Variants in KCTD11 observed in about 807,000 individuals in gnomAD.
The protein encoded by KCTD11 is BTB/POZ domain-containing protein KCTD11.
KCTD11 carries 8 observed loss-of-function variants against 10.7 expected under a neutral mutation model. The ratio of observed to expected loss-of-function variants is 0.74; its 90% CI spans 0.44 to 1.34. The LOEUF (loss-of-function observed/expected upper bound fraction) is 1.34, where lower values mean the gene tolerates loss of function less well. KCTD11 is among the 40% of genes most tolerant of loss of function. KCTD11 has a pLI of 0.01. For missense variants in KCTD11, 346 were observed against 356.1 expected (o/e 0.97, Z 0.23); for synonymous variants, 153 against 160.8 (o/e 0.95, Z 0.37).
At position 7,353,570 on chromosome 17, in the gene KCTD11, C is replaced by T; in HGVS notation, c.745C>T (p.Arg249Ter). 6.5e-7 allele frequency: 1 copy of T among 1,545,312 alleles called. No homozygotes were observed. The highest frequency in any genetic ancestry group is 8.7e-7 in the Non-Finnish European group (1 of 1,145,174). The change falls in exon 1 of 1, where the codon CGA becomes TGA. Residue 249 changes from arginine (R) to a stop codon, truncating the protein, a stop_gained. Transcript: ENST00000333751. LOFTEE classifies it high-confidence loss of function. This position sits in a 1 kb window ranked among gnomAD's most constrained non-coding sequence, Gnocchi z 4.9. Reference sequence around the variant, plus strand: ...GCGGGTGGCTCTCGAGCACGGCTTCCGACTAGACTCTGTCTTCCCCGACCC... The same window carrying T: ...GCGGGTGGCTCTCGAGCACGGCTTCTGACTAGACTCTGTCTTCCCCGACCC...
At position 7,352,891 on chromosome 17, in the gene KCTD11, G is replaced by C; in HGVS notation, c.66G>C (p.Gly22=). 6.8e-7 allele frequency: 1 copy of C among 1,479,304 alleles called. No homozygotes were observed. Among genetic ancestry groups the C allele is most frequent in the Non-Finnish European group, 9.1e-7 (1 of 1,097,016 alleles). The allele number at this position is 1,479,304 out of a possible 1,614,324, so 91.6% of individuals were successfully genotyped here. ...GGGGCCCCGTGACCCTGAATGTGGGGGGCACACTATATTCCACCACTTTGG... is the reference window on the plus strand; with the variant it reads ...GGGGCCCCGTGACCCTGAATGTGGGCGGCACACTATATTCCACCACTTTGG... Residue 22 remains glycine, a synonymous_variant, in exon 1 of 1, where the codon GGG becomes GGC. Transcript: ENST00000333751. This position sits in a 1 kb window ranked among gnomAD's most constrained non-coding sequence, Gnocchi z 4.5.
chr17:7,352,207 G>C lies in KCTD11; in HGVS notation c.-619G>C, dbSNP rs1030585159. 2 of 152,416 alleles carry C rather than the reference G, an allele frequency of 1.3e-5. No individual in the cohort carries two copies. Among genetic ancestry groups the C allele is most frequent in the African/African-American group, 4.8e-5 (2 of 41,464 alleles). The allele number at this position is 152,416 out of a possible 1,614,324, so 9.4% of individuals were successfully genotyped here. A position where few individuals can be genotyped will look rare whatever the true frequency, so the allele number is the denominator to read the frequency against. On this transcript the variant is annotated 5_prime_UTR_variant, in exon 1 of 1. Transcript: ENST00000333751. This position sits in a 1 kb window ranked among gnomAD's most constrained non-coding sequence, Gnocchi z 4.5. Reference sequence around the variant, plus strand: ...ACCTCAGCGGCTGCGGCGACACCCAGGGAAGGCGGCGCGGCCGGGTCCCGA... The same window carrying C: ...ACCTCAGCGGCTGCGGCGACACCCACGGAAGGCGGCGCGGCCGGGTCCCGA...
Position 7,353,556 on chromosome 17 carries a change from T to G in KCTD11, c.731T>G (p.Leu244Arg), listed in dbSNP as rs2073439528. The G allele has an allele frequency of 1.3e-6, 2 of 1,557,818 alleles. No individual in the cohort carries two copies. The highest frequency in any genetic ancestry group is 2.3e-5 in the East Asian group (1 of 44,388). Reference sequence around the variant, plus strand: ...CTGGAGGAGGTGCTGCGGGTGGCTCTCGAGCACGGCTTCCGACTAGACTCT... The same window carrying G: ...CTGGAGGAGGTGCTGCGGGTGGCTCGCGAGCACGGCTTCCGACTAGACTCT... Residue 244 changes from leucine to arginine, a missense_variant, in exon 1 of 1, where the codon CTC becomes CGC. Physicochemically the swap from Leu to Arg is moderately radical, Grantham distance 102. Coordinates refer to ENST00000333751, the MANE Select transcript of KCTD11 (RefSeq NM_001363642.1). The surrounding 1 kb of genome is among the most constrained non-coding windows in gnomAD (Gnocchi z 4.9).
At position 7,354,535 on chromosome 17, in the gene KCTD11, G is replaced by GTA. The variant is rs2073455237; in HGVS notation, c.*895_*896insAT. ...TTAGTAGTTTAATCACAGGGTGTGT[G>GTA]TGTGTGTGTGTGTGTGTGTGTTTAT... On this transcript the variant is annotated 3_prime_UTR_variant, in exon 1 of 1. Transcript: ENST00000333751. The GTA allele has an allele frequency of 6.0e-6, 1 of 166,452 alleles. No individual in the cohort carries two copies. Among genetic ancestry groups the GTA allele is most frequent in the Non-Finnish European group, 1.5e-5 (1 of 68,272 alleles). The allele number at this position is 166,452 out of a possible 1,614,324, so 10.3% of individuals were successfully genotyped here. A position where few individuals can be genotyped will look rare whatever the true frequency, so the allele number is the denominator to read the frequency against.
In KCTD11 at chr17:7,353,191, T is replaced by C; in HGVS notation, c.366T>C (p.Pro122=). ...AACTGGAGGCCTCTCAGGGGACCCC[T>C]GCACCCACAGCTGCCCTGCTCCACG... The change falls in exon 1 of 1, where the codon CCT becomes CCC. Residue 122 remains proline, a synonymous_variant. Transcript: ENST00000333751. This position sits in a 1 kb window ranked among gnomAD's most constrained non-coding sequence, Gnocchi z 4.9. 1 of 1,613,540 alleles carries C rather than the reference T, an allele frequency of 6.2e-7. No homozygotes were observed. Among genetic ancestry groups the C allele is most frequent in the Non-Finnish European group, 8.5e-7 (1 of 1,180,004 alleles).
At position 7,353,290 on chromosome 17, in the gene KCTD11, C is replaced by T. The variant is rs764254256; in HGVS notation, c.465C>T (p.Ser155=). 6.2e-7 allele frequency: 1 copy of T among 1,614,052 alleles called. No homozygotes were observed. Among genetic ancestry groups the T allele is most frequent in the Non-Finnish European group, 8.5e-7 (1 of 1,180,052 alleles). Residue 155 remains serine, a synonymous_variant, in exon 1 of 1, where the codon TCC becomes TCT. Transcript: ENST00000333751. The surrounding 1 kb of genome is among the most constrained non-coding windows in gnomAD (Gnocchi z 4.9). ...GACCCCATCACTATGAGCTGAGCTCCGTCCAGGTGGACACCTTCCGAGCCA... is the reference window on the plus strand; with the variant it reads ...GACCCCATCACTATGAGCTGAGCTCTGTCCAGGTGGACACCTTCCGAGCCA...
At position 7,353,571 on chromosome 17, in the gene KCTD11, G is replaced by A. The variant is rs1389456890; in HGVS notation, c.746G>A (p.Arg249Gln). 1.9e-6 allele frequency: 3 copies of A among 1,545,360 alleles called. No homozygotes were observed. The highest frequency in any genetic ancestry group is 4.5e-5 in the East Asian group (2 of 44,290). The stretch of plus-strand genomic sequence containing the variant: ...CGGGTGGCTCTCGAGCACGGCTTCC[G>A]ACTAGACTCTGTCTTCCCCGACCCC... Residue 249 changes from arginine to glutamine, a missense_variant, in exon 1 of 1, where the codon CGA becomes CAA. Physicochemically the swap from Arg to Gln is conservative, Grantham distance 43. Coordinates refer to ENST00000333751, the MANE Select transcript of KCTD11 (RefSeq NM_001363642.1). This position sits in a 1 kb window ranked among gnomAD's most constrained non-coding sequence, Gnocchi z 4.9.
In KCTD11 at chr17:7,353,603, C is replaced by G; in HGVS notation, c.778C>G (p.Leu260Val). 1 of 1,527,066 alleles carries G rather than the reference C, an allele frequency of 6.5e-7. No individual in the cohort carries two copies. The highest frequency in any genetic ancestry group is 8.8e-7 in the Non-Finnish European group (1 of 1,138,222). 94.6% of individuals were successfully genotyped at this position (1,527,066 alleles called of 1,614,324 possible). ...CTCTGTCTTCCCCGACCCCGAAGAC[C>G]TGCTCAACTCCAGGTCTCTGCGCTT... The change falls in exon 1 of 1, where the codon CTG (leucine) becomes GTG (valine). Residue 260 changes from leucine (L) to valine (V), a missense_variant. By Grantham distance (32) the Leu-to-Val change is conservative. Transcript: ENST00000333751. The surrounding 1 kb of genome is among the most constrained non-coding windows in gnomAD (Gnocchi z 4.9).
rs996627272 is a variant in KCTD11 at position 7,353,854 on chromosome 17, G to A, written c.*213G>A. On this transcript the variant is annotated 3_prime_UTR_variant, in exon 1 of 1. Coordinates refer to ENST00000333751, the MANE Select transcript of KCTD11 (RefSeq NM_001363642.1). The surrounding 1 kb of genome is among the most constrained non-coding windows in gnomAD (Gnocchi z 4.9). Reference sequence around the variant, plus strand: ...TCAACCTGTGCTGACCCTGGGAGGGGTAGGGAAGGTTCTCTCAGCTTGTTC... The same window carrying A: ...TCAACCTGTGCTGACCCTGGGAGGGATAGGGAAGGTTCTCTCAGCTTGTTC... The A allele has an allele frequency of 6.2e-6, 3 of 484,634 alleles. No homozygotes were observed. Among genetic ancestry groups the A allele is most frequent in the African/African-American group, 3.9e-5 (2 of 51,776 alleles). The allele number at this position is 484,634 out of a possible 1,614,324, so 30.0% of individuals were successfully genotyped here.
In KCTD11 at chr17:7,354,060, T is replaced by A. The variant is rs1448000350; in HGVS notation, c.*419T>A. ...CAATGCGGTCTCTTGGACCATGGCTTCTACTCCTGAAGCTGGGTGGCCTGG... is the reference window on the plus strand; with the variant it reads ...CAATGCGGTCTCTTGGACCATGGCTACTACTCCTGAAGCTGGGTGGCCTGG... On this transcript the variant is annotated 3_prime_UTR_variant, in exon 1 of 1. Transcript: ENST00000333751. 5.6e-6 allele frequency: 1 copy of A among 177,640 alleles called. No homozygotes were observed. The highest frequency in any genetic ancestry group is 1.3e-5 in the Non-Finnish European group (1 of 75,182). 11.0% of individuals were successfully genotyped at this position (177,640 alleles called of 1,614,324 possible). A position where few individuals can be genotyped will look rare whatever the true frequency, so the allele number is the denominator to read the frequency against.
Position 7,352,769 on chromosome 17 carries a change from A to G in KCTD11, c.-57A>G, listed in dbSNP as rs2073425166. On this transcript the variant is annotated 5_prime_UTR_variant, in exon 1 of 1. Coordinates refer to ENST00000333751, the MANE Select transcript of KCTD11 (RefSeq NM_001363642.1). The surrounding 1 kb of genome is among the most constrained non-coding windows in gnomAD (Gnocchi z 4.5). ...TCTGACAGCTTCGACCCAATTCTGC[A>G]CACACCCAGGAAGTTCTGCCTTTTC... 6 of 592,030 alleles carry G rather than the reference A, an allele frequency of 1.0e-5. No homozygotes were observed. In the South Asian group the frequency reaches 1.3e-4, roughly 13 times the overall value. 36.7% of individuals were successfully genotyped at this position (592,030 alleles called of 1,614,324 possible).
At position 7,353,537 on chromosome 17, in the gene KCTD11, G is replaced by C; in HGVS notation, c.712G>C (p.Glu238Gln). 6.4e-7 allele frequency: 1 copy of C among 1,572,950 alleles called. No homozygotes were observed. Among genetic ancestry groups the C allele is most frequent in the Non-Finnish European group, 8.6e-7 (1 of 1,157,676 alleles). ...GGTGGGCACCCCAAGCTTCCTGGAG[G>C]AGGTGCTGCGGGTGGCTCTCGAGCA... The change falls in exon 1 of 1, where the codon GAG becomes CAG. Residue 238 changes from glutamate (E) to glutamine (Q), a missense_variant. Coordinates refer to ENST00000333751, the MANE Select transcript of KCTD11 (RefSeq NM_001363642.1). This position sits in a 1 kb window ranked among gnomAD's most constrained non-coding sequence, Gnocchi z 4.9.
At position 7,354,018 on chromosome 17, in the gene KCTD11, A is replaced by G. The variant is rs1204990441; in HGVS notation, c.*377A>G. 4.9e-6 allele frequency: 1 copy of G among 204,312 alleles called. No individual in the cohort carries two copies. The highest frequency in any genetic ancestry group is 1.1e-5 in the Non-Finnish European group (1 of 92,504). 12.7% of individuals were successfully genotyped at this position (204,312 alleles called of 1,614,324 possible). ...GGATATTGAGGTCTGGGGAAAAGGG[A>G]GGACTTTGCATTTTCCCAATGCGGT... On this transcript the variant is annotated 3_prime_UTR_variant, in exon 1 of 1. Coordinates refer to ENST00000333751, the MANE Select transcript of KCTD11 (RefSeq NM_001363642.1).
At position 7,354,050 on chromosome 17, in the gene KCTD11, G is replaced by A. The variant is rs1298040691; in HGVS notation, c.*409G>A. ...TGCATTTTCCCAATGCGGTCTCTTG[G>A]ACCATGGCTTCTACTCCTGAAGCTG... On this transcript the variant is annotated 3_prime_UTR_variant, in exon 1 of 1. Transcript: ENST00000333751. 1.1e-5 allele frequency: 2 copies of A among 181,240 alleles called. No individual in the cohort carries two copies. The highest frequency in any genetic ancestry group is 4.8e-5 in the African/African-American group (2 of 41,886). 11.2% of individuals were successfully genotyped at this position (181,240 alleles called of 1,614,324 possible).
At position 7,353,082 on chromosome 17, in the gene KCTD11, TG is replaced by T. The variant is rs2073429468; in HGVS notation, c.258del (p.Arg88ValfsTer46). The T allele has an allele frequency of 6.2e-7, 1 of 1,613,442 alleles. No individual in the cohort carries two copies. The highest frequency in any genetic ancestry group is 1.7e-5 in the Admixed American group (1 of 59,994). On this transcript the variant is annotated frameshift_variant, in exon 1 of 1. Coordinates refer to ENST00000333751, the MANE Select transcript of KCTD11 (RefSeq NM_001363642.1). LOFTEE classifies it high-confidence loss of function. This position sits in a 1 kb window ranked among gnomAD's most constrained non-coding sequence, Gnocchi z 4.9. ...TTCCTGAGGCTGGGCCGCCTGGACC[TG>T]CCCCGTGGGTACGGAGAGACAGCGC...
chr17:7,353,602 C>T lies in KCTD11; in HGVS notation c.777C>T (p.Asp259=), dbSNP rs1242907971. Residue 259 remains aspartate, a synonymous_variant, in exon 1 of 1, where the codon GAC becomes GAT. Transcript: ENST00000333751. The surrounding 1 kb of genome is among the most constrained non-coding windows in gnomAD (Gnocchi z 4.9). ...ACTCTGTCTTCCCCGACCCCGAAGACCTGCTCAACTCCAGGTCTCTGCGCT... is the reference window on the plus strand; with the variant it reads ...ACTCTGTCTTCCCCGACCCCGAAGATCTGCTCAACTCCAGGTCTCTGCGCT... 1 of 1,528,034 alleles carries T rather than the reference C, an allele frequency of 6.5e-7. No individual in the cohort carries two copies. The highest frequency in any genetic ancestry group is 2.1e-5 in the Admixed American group (1 of 47,096). The allele number at this position is 1,528,034 out of a possible 1,614,324, so 94.7% of individuals were successfully genotyped here.
chr17:7,353,615 A>G lies in KCTD11; in HGVS notation c.790A>G (p.Arg264Gly). 6.6e-7 allele frequency: 1 copy of G among 1,522,292 alleles called. No individual in the cohort carries two copies. Among genetic ancestry groups the G allele is most frequent in the East Asian group, 2.3e-5 (1 of 44,094 alleles). 94.3% of individuals were successfully genotyped at this position (1,522,292 alleles called of 1,614,324 possible). ...CGACCCCGAAGACCTGCTCAACTCC[A>G]GGTCTCTGCGCTTTGTCCGGCACTG... Residue 264 changes from arginine (R) to glycine (G), a missense_variant, in exon 1 of 1, where the codon AGG becomes GGG. Arg to Gly is a moderately radical substitution (Grantham distance 125). Coordinates refer to ENST00000333751, the MANE Select transcript of KCTD11 (RefSeq NM_001363642.1). The surrounding 1 kb of genome is among the most constrained non-coding windows in gnomAD (Gnocchi z 4.9).
At position 7,354,591 on chromosome 17, in the gene KCTD11, C is replaced by A. The variant is rs2073456547; in HGVS notation, c.*950C>A. 1 of 167,278 alleles carries A rather than the reference C, an allele frequency of 6.0e-6. No individual in the cohort carries two copies. The highest frequency in any genetic ancestry group is 1.5e-5 in the Non-Finnish European group (1 of 68,630). The allele number at this position is 167,278 out of a possible 1,614,324, so 10.4% of individuals were successfully genotyped here. ...CGCATGTATATGCATCACCACGTAG[C>A]CAGGAGGGGCCTGTTGGGGTTTGAG... is the stretch of plus-strand genomic sequence containing the variant. On this transcript the variant is annotated 3_prime_UTR_variant, in exon 1 of 1. Transcript: ENST00000333751.
chr17:7,353,786 C>A lies in KCTD11; in HGVS notation c.*145C>A. 1 of 788,686 alleles carries A rather than the reference C, an allele frequency of 1.3e-6. No individual in the cohort carries two copies. Among genetic ancestry groups the A allele is most frequent in the Non-Finnish European group, 1.9e-6 (1 of 516,886 alleles). The allele number at this position is 788,686 out of a possible 1,614,324, so 48.9% of individuals were successfully genotyped here. On this transcript the variant is annotated 3_prime_UTR_variant, in exon 1 of 1. Transcript: ENST00000333751. This position sits in a 1 kb window ranked among gnomAD's most constrained non-coding sequence, Gnocchi z 4.9. ...GAGCTCAGATGTGGGCAGGAATTCC[C>A]AAACCTGAGCCCACCAAGGACTCAC...
Sources: allele counts gnomAD v4.1 joint callset, GRCh38; gene constraint gnomAD v4.1.1; non-coding constraint Gnocchi (gnomAD v3.1); transcripts MANE v1.5; gene names NCBI Gene and HGNC (gene_info 2026-07-23, HGNC 2026-07-21).